MTHFD1L: variants seen among roughly 807,000 people sequenced by gnomAD.
The protein encoded by MTHFD1L is methylenetetrahydrofolate dehydrogenase (NADP+ dependent) 1 like, also known as monofunctional C1-tetrahydrofolate synthase, mitochondrial.
In MTHFD1L, 81 loss-of-function variants were observed where a neutral mutation model predicts 119.5. The observed-to-expected ratio is 0.68, with a 90% CI of 0.57 to 0.82. The LOEUF is 0.82. Ranked by LOEUF, MTHFD1L falls within the 40% of genes least tolerant of loss-of-function variation. The pLI is 0.00. For missense variants in MTHFD1L, 1,125 were observed against 1,253.4 expected (o/e 0.90, Z 1.55); for synonymous variants, 430 against 475.2 (o/e 0.90, Z 1.24).
chr6:151,006,213 G>A (rs1781366620), intron 20 of MTHFD1L, among the ~76,000 whole-genome samples: 1 of 152,154 alleles, frequency 6.6e-6, no homozygotes, highest in African/African-American at 2.4e-5. Context: ...ATGGGCGGGA[G>A]GAGTAGCCAA....
At chr6:151,062,355 G>C (rs150781004) in intron 26 of MTHFD1L, among the ~76,000 whole-genome samples, 1 of 152,066 alleles carries the variant, frequency 6.6e-6, no homozygotes, top group African/African-American at 2.4e-5. Flanking sequence ...GGAGAATGGC[G>C]TGAATCCGGG....
At chr6:150,869,159 T>C (rs1338293904) in intron 1 of MTHFD1L, among the ~76,000 whole-genome samples, 1 of 152,222 alleles carries the variant, frequency 6.6e-6, no homozygotes, top group Non-Finnish European at 1.5e-5. Flanking sequence ...ACCATAACTT[T>C]TATTTTTATT....
At chr6:150,945,091 A>G (rs886072262) in intron 14 of MTHFD1L, among the ~76,000 whole-genome samples, 1 of 152,242 alleles carries the variant, frequency 6.6e-6, no homozygotes, top group African/African-American at 2.4e-5. Context: ...CCTCACAGAT[A>G]TAGGACATAG....
At chr6:151,001,883 C>G (rs112582531) in intron 20 of MTHFD1L, among the ~76,000 whole-genome samples, 22 of 152,198 alleles carry the variant, frequency 1.4e-4, no homozygotes, top group African/African-American at 4.8e-4. Flanking sequence ...TTTATAATCT[C>G]TAAATGAATT....
chr6:151,063,756 A>G (rs1790902335), intron 26 of MTHFD1L, among the ~76,000 whole-genome samples: 1 of 152,244 alleles, frequency 6.6e-6, no homozygotes, highest in Non-Finnish European at 1.5e-5. Context: ...GTAAGAATTA[A>G]ATAATTAAAC....
intron 4 of MTHFD1L, 117 bp from the exon 5 acceptor site, chr6:150,882,642 AAAC>A (rs1371642757): frequency 1.3e-6 from 1 of 740,904 alleles, no homozygotes; most frequent in Non-Finnish European, 2.0e-6. Context: ...ACAAGGAGCA[AAAC>A]AACAACAAAC....
chr6:150,943,731 C>T (rs1030594560), intron 13 of MTHFD1L, among the ~76,000 whole-genome samples: 3 of 151,930 alleles, frequency 2.0e-5, no homozygotes, highest in Non-Finnish European at 2.9e-5. Context: ...TTGTGAAAAA[C>T]GAAACTTGGA....
Position 150,887,987 on chromosome 6 carries a change from T to G in MTHFD1L, c.780+6T>G. On this transcript the variant is annotated splice_donor_region_variant and intron_variant, in intron 7 of 27. Transcript: ENST00000367321. ...CACGCCAGCTTCAAAGCAAGGTAAA[T>G]TTCATGTTAGAAACATACATCTTGA... 1.3e-6 allele frequency: 2 copies of G among 1,594,968 alleles called. No individual in the cohort carries two copies. Among genetic ancestry groups the G allele is most frequent in the Non-Finnish European group, 1.7e-6 (2 of 1,173,616 alleles).
At chr6:151,011,493 A>G (rs903302517) in intron 21 of MTHFD1L, among the ~76,000 whole-genome samples, 18 of 152,132 alleles carry the variant, frequency 1.2e-4, no homozygotes, top group African/African-American at 4.1e-4. Flanking sequence ...TCACACATCT[A>G]TTTCAGGGAC....
intron 19 of MTHFD1L, among the ~76,000 whole-genome samples, chr6:150,967,936 G>C (rs1231393436): frequency 1.3e-5 from 2 of 152,026 alleles, no homozygotes; most frequent in African/African-American, 4.8e-5. Context: ...ACCCCGGTCT[G>C]AAAAGCCCTA....
Position 150,926,424 on chromosome 6 carries a change from C to A in MTHFD1L, c.1256+129C>A. The A allele has an allele frequency of 1.1e-6, 1 of 904,518 alleles. No individual in the cohort carries two copies. Among genetic ancestry groups the A allele is most frequent in the Non-Finnish European group, 1.6e-6 (1 of 621,658 alleles). The allele number at this position is 904,518 out of a possible 1,614,324, so 56.0% of individuals were successfully genotyped here. A position where few individuals can be genotyped will look rare whatever the true frequency, so the allele number is the denominator to read the frequency against. On this transcript the variant is annotated intron_variant, in intron 11 of 27. Coordinates refer to ENST00000367321, the MANE Select transcript of MTHFD1L (RefSeq NM_015440.5). The surrounding 1 kb of genome is among the most constrained non-coding windows in gnomAD (Gnocchi z 4.3). ...TTGACATTTCGTCCATTTCATTTGG[C>A]ATTTCTTTATTTGGTGTGAGATAAG... is the stretch of plus-strand genomic sequence containing the variant.
At chr6:150,904,878 A>G (rs566260601) in intron 7 of MTHFD1L, among the ~76,000 whole-genome samples, 2 of 152,272 alleles carry the variant, frequency 1.3e-5, no homozygotes, top group South Asian at 4.1e-4. Flanking sequence ...GAGACTAACC[A>G]AGGCCTCAAA....
At chr6:151,078,823 G>A (rs1792837313) in intron 26 of MTHFD1L, among the ~76,000 whole-genome samples, 1 of 152,244 alleles carries the variant, frequency 6.6e-6, no homozygotes, top group East Asian at 1.9e-4. Flanking sequence ...GGCCTCACCT[G>A]CACTCAGGGA....
intron 26 of MTHFD1L, among the ~76,000 whole-genome samples, chr6:151,089,874 C>T (rs1794219413): frequency 6.6e-6 from 1 of 152,192 alleles, no homozygotes; most frequent in Admixed American, 6.5e-5. Flanking sequence ...GGCTGTGATA[C>T]CCATCTTCAT....
At chr6:151,019,401 T>C (rs1258782232) in intron 24 of MTHFD1L, among the ~76,000 whole-genome samples, 1 of 152,198 alleles carries the variant, frequency 6.6e-6, no homozygotes, top group Non-Finnish European at 1.5e-5. Context: ...GTCTCAGACA[T>C]GCACTAACCC....
intron 24 of MTHFD1L, among the ~76,000 whole-genome samples, chr6:151,030,447 G>A (rs573674116): frequency 9.9e-5 from 15 of 152,174 alleles, no homozygotes; most frequent in Admixed American, 2.6e-4. Flanking sequence ...CTTGCCCTGC[G>A]GCTTCTTTCC....
At position 151,031,347 on chromosome 6, in the gene MTHFD1L, G is replaced by A. The variant is rs80354079; in HGVS notation, c.2587-3146G>A. Among the ~76,000 whole-genome samples, 1,028 of 152,222 alleles carry A rather than the reference G, an allele frequency of 6.8e-3. 28 individuals carry two copies. In the South Asian group the frequency reaches 0.091, roughly 13 times the overall value. Reference sequence around the variant, plus strand: ...AGTCTGTGTGACTGTTCACACACTCGGGCTCCATTCACACACCCCAAGATT... The same window carrying A: ...AGTCTGTGTGACTGTTCACACACTCAGGCTCCATTCACACACCCCAAGATT... On this transcript the variant is annotated intron_variant, in intron 24 of 27. Coordinates refer to ENST00000367321, the MANE Select transcript of MTHFD1L (RefSeq NM_015440.5).
At chr6:150,941,278 G>A (rs554925059) in intron 13 of MTHFD1L, among the ~76,000 whole-genome samples, 51 of 152,314 alleles carry the variant, frequency 3.3e-4, no homozygotes, top group African/African-American at 1.0e-3. Context: ...CTGGAGCCCC[G>A]TGGGCCAGCG....
At chr6:151,079,887 A>G (rs1290921036) in intron 26 of MTHFD1L, among the ~76,000 whole-genome samples, 1 of 151,394 alleles carries the variant, frequency 6.6e-6, no homozygotes, top group Admixed American at 6.6e-5. Context: ...AAAAAAAAAG[A>G]AATTAGGCCA....
Sources: allele counts gnomAD v4.1 joint callset (sites outside exome capture counted in the v4.1 genomes callset), GRCh38; gene constraint gnomAD v4.1.1; non-coding constraint Gnocchi (gnomAD v3.1); transcripts MANE v1.5; gene names NCBI Gene and HGNC (gene_info 2026-07-23, HGNC 2026-07-21).